Variants in TNFAIP8 observed in about 807,000 individuals in gnomAD.
TNFAIP8 encodes TNF alpha induced protein 8, also known as tumor necrosis factor alpha-induced protein 8.
TNFAIP8 carries 7 observed loss-of-function variants against 13.3 expected under a neutral mutation model. That is an observed-to-expected ratio of 0.52 (90% CI 0.30 to 0.99). The LOEUF is 0.99. Among genes scored for constraint, TNFAIP8 ranks in the 50% least tolerant of loss-of-function variants. The probability of loss-of-function intolerance (pLI) is 0.07; values close to 1 mark genes in which losing one functional copy is unlikely to be tolerated. For missense variants in TNFAIP8, 258 were observed against 236.9 expected (o/e 1.09, Z -0.58); for synonymous variants, 94 against 87.6 (o/e 1.07, Z -0.41).
intron 1 of TNFAIP8, among the ~76,000 whole-genome samples, chr5:119,281,587 A>C (rs1748631913): frequency 6.6e-6 from 1 of 152,246 alleles, no homozygotes. Flanking sequence ...AGCTATGATT[A>C]CTGAAAACAA....
At chr5:119,329,314 A>C (rs766202226) in intron 1 of TNFAIP8, among the ~76,000 whole-genome samples, 2 of 152,218 alleles carry the variant, frequency 1.3e-5, no homozygotes, top group Non-Finnish European at 2.9e-5. Flanking sequence ...CAAGTACTAC[A>C]TGATAAAAAG....
chr5:119,342,209 C>A (rs1750760790), intron 1 of TNFAIP8, among the ~76,000 whole-genome samples: 1 of 152,190 alleles, frequency 6.6e-6, no homozygotes, highest in Admixed American at 6.5e-5. Context: ...ATAGTATTTC[C>A]TGTACTGCTA....
In TNFAIP8 at chr5:119,397,235, TA is replaced by T. The variant is rs1753096807; in HGVS notation, c.*3855del. 1 of 152,122 alleles carries T rather than the reference TA, an allele frequency of 6.6e-6. No individual in the cohort carries two copies. The highest frequency in any genetic ancestry group is 2.1e-4 in the South Asian group (1 of 4,828). The allele number at this position is 152,122 out of a possible 1,614,324, so 9.4% of individuals were successfully genotyped here. A position where few individuals can be genotyped will look rare whatever the true frequency, so the allele number is the denominator to read the frequency against. ...TGGATTTTTACTAAGAATTTTAATT[TA>T]TCCTTGAGATACTTGATGAGTGTAT... is the stretch of plus-strand genomic sequence containing the variant. On this transcript the variant is annotated 3_prime_UTR_variant, in exon 2 of 2. Coordinates refer to ENST00000504771, the MANE Select transcript of TNFAIP8 (RefSeq NM_014350.4).
At chr5:119,334,085 A>G (rs72786157) in intron 1 of TNFAIP8, among the ~76,000 whole-genome samples, 15,532 of 148,478 alleles carry the variant, frequency 0.1, 1,006 homozygotes, top group African/African-American at 0.2. Flanking sequence ...GTTTATTTCT[A>G]TTCTCTTATT....
intron 1 of TNFAIP8, among the ~76,000 whole-genome samples, chr5:119,311,519 G>A (rs973192863): frequency 7.3e-5 from 11 of 151,354 alleles, no homozygotes; most frequent in Admixed American, 1.3e-4. Flanking sequence ...GTGAAACCCC[G>A]TCTCTACTAA....
At chr5:119,294,666 GGACTC>G (rs1561987052) in intron 1 of TNFAIP8, among the ~76,000 whole-genome samples, 8 of 150,970 alleles carry the variant, frequency 5.3e-5, no homozygotes, top group Non-Finnish European at 1.0e-4. Context: ...ACCAACAGTG[GGACTC>G]CACATCCTCT....
intron 1 of TNFAIP8, among the ~76,000 whole-genome samples, chr5:119,298,056 A>G (rs527950194): frequency 1.3e-5 from 2 of 152,282 alleles, no homozygotes; most frequent in East Asian, 1.9e-4. Context: ...TTGACTCTTT[A>G]TCCAATTTGC....
In TNFAIP8 at chr5:119,392,943, G is replaced by A. The variant is rs1397607518; in HGVS notation, c.159G>A (p.Glu53=). The A allele has an allele frequency of 6.2e-7, 1 of 1,609,490 alleles. No homozygotes were observed. The highest frequency in any genetic ancestry group is 8.5e-7 in the Non-Finnish European group (1 of 1,177,936). ...ACACAAGTAGTGAGGTGCTGGATGA[G>A]CTCTACAGAGTGACCAGGGAGTACA... The part of the protein sequence containing the change: ...IDDTSSEVLD[E]LYRVTREYTQ... The change falls in exon 2 of 2, where the codon GAG becomes GAA. Residue 53 remains glutamate (E), a synonymous_variant. Transcript: ENST00000504771.
At chr5:119,309,180 G>A (rs1368424078) in intron 1 of TNFAIP8, among the ~76,000 whole-genome samples, 2 of 152,128 alleles carry the variant, frequency 1.3e-5, no homozygotes, top group African/African-American at 2.4e-5. Context: ...ACATGCATTG[G>A]TATTCTACTT....
rs1487881159 is a variant in TNFAIP8, at chr5:119,288,362, T to C, written c.1+19455T>C. On this transcript the variant is annotated intron_variant, in intron 1 of 1. Coordinates refer to the TNFAIP8 transcript ENST00000274456. ...GAAACAAAGGTGTACCTTGAGGGAA[T>C]GTCAGCATCATCTATTCCTAAAAGG... 5.3e-5 allele frequency among the ~76,000 whole-genome samples: 8 copies of C among 152,174 alleles called. No homozygotes were observed. The East Asian group carries it at 1.5e-3, about 29-fold the overall frequency.
At chr5:119,367,943 A>G (rs1046941385) in intron 1 of TNFAIP8, among the ~76,000 whole-genome samples, 8 of 152,154 alleles carry the variant, frequency 5.3e-5, no homozygotes, top group African/African-American at 1.7e-4. Flanking sequence ...AAATAAGAGG[A>G]TATTTGAATA....
chr5:119,324,037 A>C (rs757997455), intron 1 of TNFAIP8, among the ~76,000 whole-genome samples: 1 of 152,068 alleles, frequency 6.6e-6, no homozygotes, highest in Non-Finnish European at 1.5e-5. Context: ...TTGCTGTTGT[A>C]ATGACTCTAA....
At chr5:119,284,878 C>T (rs1748730617) in intron 1 of TNFAIP8, among the ~76,000 whole-genome samples, 2 of 152,084 alleles carry the variant, frequency 1.3e-5, no homozygotes, top group South Asian at 4.1e-4. Context: ...GGAGGTGAAA[C>T]TTAAATGTGC....
chr5:119,317,890 C>G (rs146053628), intron 1 of TNFAIP8, among the ~76,000 whole-genome samples: 78 of 152,288 alleles, frequency 5.1e-4, no homozygotes, highest in African/African-American at 1.8e-3. Flanking sequence ...AGCTCCTGCA[C>G]CCAGCCCTAC....
At chr5:119,326,507 A>G (rs1053433935) in intron 1 of TNFAIP8, among the ~76,000 whole-genome samples, 3 of 152,206 alleles carry the variant, frequency 2.0e-5, no homozygotes, top group Admixed American at 1.3e-4. Context: ...TTTAAGTCCT[A>G]TGTTGACTCA....
chr5:119,358,005 TACC>T (rs1439616268), intron 1 of TNFAIP8, among the ~76,000 whole-genome samples: 6 of 152,102 alleles, frequency 3.9e-5, no homozygotes, highest in African/African-American at 1.4e-4. Context: ...TCTGGTTAGC[TACC>T]ACCACTCAGA....
chr5:119,332,446 A>G (rs779862121), intron 1 of TNFAIP8, among the ~76,000 whole-genome samples: 7 of 152,296 alleles, frequency 4.6e-5, no homozygotes, highest in Non-Finnish European at 8.8e-5. Context: ...GAGTTTGTCC[A>G]TCACCTTCCA....
intron 1 of TNFAIP8, among the ~76,000 whole-genome samples, chr5:119,304,896 G>A (rs1347645166): frequency 6.6e-6 from 1 of 152,208 alleles, no homozygotes; most frequent in Non-Finnish European, 1.5e-5. Context: ...GAACAGAAAA[G>A]TCCCAAAAGA....
In TNFAIP8 at chr5:119,275,792, A is replaced by G. The variant is rs113177991; in HGVS notation, c.1+6885A>G. On this transcript the variant is annotated intron_variant, in intron 1 of 1. Coordinates refer to the TNFAIP8 transcript ENST00000274456. Reference sequence around the variant, plus strand: ...ATAAAGGTTTGCTACTGATCATAACATAGTATTAATTTTAGTAGATTGACA... The same window carrying G: ...ATAAAGGTTTGCTACTGATCATAACGTAGTATTAATTTTAGTAGATTGACA... Among the ~76,000 whole-genome samples, 453 of 152,186 alleles carry G rather than the reference A, an allele frequency of 3.0e-3. 2 individuals are homozygous for G. The highest frequency in any genetic ancestry group is 0.01 in the African/African-American group (431 of 41,486).
Sources: allele counts gnomAD v4.1 joint callset (sites outside exome capture counted in the v4.1 genomes callset), GRCh38; gene constraint gnomAD v4.1.1; transcripts MANE v1.5; gene names NCBI Gene and HGNC (gene_info 2026-07-23, HGNC 2026-07-21).